TBX19: variants seen among roughly 807,000 people sequenced by gnomAD.
The protein encoded by TBX19 is T-box transcription factor TBX19.
Under a neutral mutation model 40.9 loss-of-function variants are expected in TBX19, and 33 were observed. The ratio of observed to expected loss-of-function variants is 0.81; its 90% confidence interval spans 0.61 to 1.08. TBX19 has a LOEUF of 1.08. TBX19 is among the 50% of genes least tolerant of loss of function. The pLI is 0.00. For missense variants in TBX19, 494 were observed against 574.0 expected, an observed-to-expected ratio of 0.86 and a Z score of 1.42; for synonymous variants, 220 against 225.0, an observed-to-expected ratio of 0.98 and a Z score of 0.20.
intron 1 of TBX19, among the ~76,000 whole-genome samples, chr1:168,285,267 ACACAC>A (rs1278866685): frequency 5.5e-4 from 15 of 27,298 alleles, no homozygotes; most frequent in Non-Finnish European, 1.2e-3. Flanking sequence ...TATGTCACAC[ACACAC>A]ACACACACAC....
At position 168,281,307 on chromosome 1, in the gene TBX19, C is replaced by G. The variant is rs545484780; in HGVS notation, c.203+14C>G. 8.1e-6 allele frequency: 13 copies of G among 1,613,562 alleles called. No homozygotes were observed. In the South Asian group the frequency reaches 1.3e-4, roughly 16 times the overall value. On this transcript the variant is annotated intron_variant, in intron 1 of 7. Transcript: ENST00000367821. ...CAAGAATGGCAGGTGAGTTTATCTG[C>G]CGCCCCGCGTGGGCTGGCAGGGCTT...
intron 1 of TBX19, among the ~76,000 whole-genome samples, chr1:168,283,180 A>T (rs957721501): frequency 6.6e-6 from 1 of 152,200 alleles, no homozygotes; most frequent in Admixed American, 6.5e-5. Context: ...AAAAAGCAAA[A>T]TGAAATCCTT....
At chr1:168,311,750 A>G (rs1649530037) in intron 7 of TBX19, among the ~76,000 whole-genome samples, 1 of 152,234 alleles carries the variant, frequency 6.6e-6, no homozygotes, top group African/African-American at 2.4e-5. Flanking sequence ...AGTGATGACT[A>G]CAGGCCGAAA....
intron 1 of TBX19, among the ~76,000 whole-genome samples, chr1:168,283,560 C>T (rs1326264176): frequency 6.6e-6 from 1 of 152,040 alleles, no homozygotes; most frequent in Non-Finnish European, 1.5e-5. Context: ...ATCTTCTTTA[C>T]TCCCTTCTTC....
chr1:168,299,673 G>C (rs569959051), intron 4 of TBX19, among the ~76,000 whole-genome samples: 1 of 152,150 alleles, frequency 6.6e-6, no homozygotes, highest in African/African-American at 2.4e-5. Flanking sequence ...GGGGCTCTCA[G>C]TATGTTGCCC....
chr1:168,305,112 G>T lies in TBX19; in HGVS notation c.832G>T (p.Gly278Cys). Residue 278 changes from glycine (G) to cysteine (C), a missense_variant, in exon 6 of 8, where the codon GGC becomes TGC. This residue lies in a region of TBX19 where 284 missense variants were observed against 307.3 expected (regional missense o/e 0.92). Coordinates refer to ENST00000367821, the MANE Select transcript of TBX19 (RefSeq NM_005149.3). ...LPLPAPHTHH[G>C]CEHYSGLRGH... ...TCTGCCTGCTCCCCACACCCACCAT[G>T]GCTGTGAGCACTATTCGGGTCTCCG... The T allele has an allele frequency of 1.2e-6, 2 of 1,614,102 alleles. No homozygotes were observed.
chr1:168,291,876 AT>A, intron 2 of TBX19, among the ~76,000 whole-genome samples: 1 of 152,254 alleles, frequency 6.6e-6, no homozygotes, highest in African/African-American at 2.4e-5. Context: ...TATCAATAGA[AT>A]ATTGAATCAG....
At chr1:168,310,695 AC>A (rs1322529238) in intron 7 of TBX19, among the ~76,000 whole-genome samples, 4 of 147,208 alleles carry the variant, frequency 2.7e-5, no homozygotes, top group African/African-American at 9.8e-5. Context: ...AAATATATAT[AC>A]CACTATATTA....
At chr1:168,296,685 T>G (rs941453325) in intron 3 of TBX19, among the ~76,000 whole-genome samples, 6 of 152,296 alleles carry the variant, frequency 3.9e-5, no homozygotes, top group Non-Finnish European at 5.9e-5. Flanking sequence ...GCTTTCCTTC[T>G]TCCATCAAGT....
intron 6 of TBX19, 43 bp downstream of exon 6, chr1:168,305,239 G>C: frequency 6.3e-7 from 1 of 1,595,032 alleles, no homozygotes; most frequent in Non-Finnish European, 8.5e-7. Flanking sequence ...ATGGGCTGGG[G>C]TGGGGGCAGT....
At chr1:168,293,344 T>C (rs1649001192) in intron 3 of TBX19, 66 bp downstream of exon 3, 3 of 1,485,348 alleles carry the variant, frequency 2.0e-6, no homozygotes, top group South Asian at 1.2e-5. Flanking sequence ...ACCTGGGAGA[T>C]CATGGCAGGA....
At chr1:168,307,729 C>T (rs1649435950) in intron 6 of TBX19, among the ~76,000 whole-genome samples, 1 of 152,004 alleles carries the variant, frequency 6.6e-6, no homozygotes, top group Admixed American at 6.6e-5. Flanking sequence ...GGAAGACATT[C>T]TTCCCCCACC....
At chr1:168,285,508 C>T (rs142918013) in intron 1 of TBX19, among the ~76,000 whole-genome samples, 37 of 152,292 alleles carry the variant, frequency 2.4e-4, no homozygotes, top group African/African-American at 8.9e-4. Flanking sequence ...CTGGAGATTC[C>T]CTGTCAGTGA....
intron 1 of TBX19, among the ~76,000 whole-genome samples, chr1:168,286,244 A>T (rs893833090): frequency 6.6e-6 from 1 of 152,220 alleles, no homozygotes; most frequent in African/African-American, 2.4e-5. Context: ...CAGCTTTGTG[A>T]TGATATAATT....
rs200161002 is a variant in TBX19 at position 168,312,933 on chromosome 1, G to A, written c.1278G>A (p.Ser426=). The change falls in exon 8 of 8, where the codon TCG becomes TCA. Residue 426 remains serine, a synonymous_variant. Transcript: ENST00000367821. The part of the protein sequence containing the change: ...IAVSTWTAVA[S]HPFAGWGGPG... ...TGTCCACCTGGACAGCAGTGGCCTCGCATCCCTTCGCGGGCTGGGGTGGCC... is the reference window on the plus strand; with the variant it reads ...TGTCCACCTGGACAGCAGTGGCCTCACATCCCTTCGCGGGCTGGGGTGGCC... 3.4e-5 allele frequency: 55 copies of A among 1,614,266 alleles called. No individual in the cohort carries two copies. In the East Asian group the frequency reaches 7.8e-4, roughly 23 times the overall value.
intron 3 of TBX19, among the ~76,000 whole-genome samples, chr1:168,295,417 A>C (rs1320227870): frequency 6.6e-6 from 1 of 152,208 alleles, no homozygotes; most frequent in African/African-American, 2.4e-5. Context: ...GATTCTGTAG[A>C]TTTAAAAGTC....
chr1:168,282,228 TAA>T (rs898837745), intron 1 of TBX19, among the ~76,000 whole-genome samples: 6 of 152,192 alleles, frequency 3.9e-5, no homozygotes, highest in African/African-American at 1.2e-4. Context: ...AGAATTCTGA[TAA>T]AAGAGAAGAG....
In TBX19 at chr1:168,302,850, TAGAG is replaced by T. The variant is rs764023743; in HGVS notation, c.728-2155_728-2152del. ...AAGGCACCTTCACACTCGGCAGAAA[TAGAG>T]AGGCTTTCACTCTTCCTGCGTAACC... On this transcript the variant is annotated intron_variant, in intron 5 of 7. Coordinates refer to ENST00000367821, the MANE Select transcript of TBX19 (RefSeq NM_005149.3). 2.1e-3 allele frequency among the ~76,000 whole-genome samples: 317 copies of T among 152,194 alleles called. 2 individuals carry two copies. Among genetic ancestry groups the T allele is most frequent in the Middle Eastern group, 3.4e-3 (1 of 294 alleles).
intron 7 of TBX19, among the ~76,000 whole-genome samples, 182 bp from the exon 8 acceptor site, chr1:168,312,526 C>T (rs1649549706): frequency 6.6e-6 from 1 of 152,226 alleles, no homozygotes; most frequent in Admixed American, 6.5e-5. Context: ...CCATACTTTG[C>T]TGCTTCTCTT....
Sources: gnomAD v4.1 joint callset for allele counts (sites outside exome capture counted in the v4.1 genomes callset) on GRCh38, gnomAD v4.1.1 for gene constraint, gnomAD v4.1.1 regional missense constraint, MANE v1.5 for transcripts, NCBI Gene and HGNC (gene_info 2026-07-23, HGNC 2026-07-21) for gene names.